The following OTUD7A variants were observed in gnomAD, a reference collection of about 807,000 sequenced individuals.
OTUD7A encodes OTU deubiquitinase 7A, also known as OTU domain-containing protein 7A.
A neutral mutation model predicts 65.7 loss-of-function variants in OTUD7A; 12 were observed. The ratio of observed to expected loss-of-function variants is 0.18; its 90% CI spans 0.12 to 0.30. The LOEUF (loss-of-function observed/expected upper bound fraction) is 0.30. Ranked by LOEUF, OTUD7A falls within the 10% of genes least tolerant of loss-of-function variation. OTUD7A has a pLI of 1.00. For missense variants in OTUD7A, 1,148 were observed against 1,304.8 expected (o/e 0.88, Z 1.85); for synonymous variants, 641 against 586.3 (o/e 1.09, Z -1.35).
intron 1 of OTUD7A, among the ~76,000 whole-genome samples, chr15:31,684,954 C>A (rs1369705672): frequency 6.7e-6 from 1 of 149,528 alleles, no homozygotes; most frequent in Non-Finnish European, 1.5e-5. Flanking sequence ...TTGTGCAGGC[C>A]AAAAAGCAGC....
At chr15:31,668,981 T>C (rs1338499822) in intron 1 of OTUD7A, among the ~76,000 whole-genome samples, 1 of 152,264 alleles carries the variant, frequency 6.6e-6, no homozygotes, top group African/African-American at 2.4e-5. Flanking sequence ...GTATTGTCTG[T>C]ACAGAGCCCT....
intron 3 of OTUD7A, among the ~76,000 whole-genome samples, chr15:31,623,892 C>T (rs577493179): frequency 9.2e-5 from 14 of 152,316 alleles, no homozygotes; most frequent in Non-Finnish European, 1.8e-4. Flanking sequence ...TGTTCCTATT[C>T]GGCCAACTTG....
At chr15:31,778,216 CAAGGCTGTT>C (rs1895439786) in intron 1 of OTUD7A, among the ~76,000 whole-genome samples, 1 of 152,188 alleles carries the variant, frequency 6.6e-6, no homozygotes, top group Admixed American at 6.5e-5. Flanking sequence ...ACCTTGTCTA[CAAGGCTGTT>C]CTGCAGGAAT....
At chr15:31,698,149 T>C (rs1224319385) in intron 1 of OTUD7A, among the ~76,000 whole-genome samples, 5 of 152,130 alleles carry the variant, frequency 3.3e-5, no homozygotes, top group Admixed American at 6.5e-5. Context: ...TTTTATTAAA[T>C]ATAATTTTTT....
At chr15:31,626,136 T>A (rs11852462) in intron 3 of OTUD7A, among the ~76,000 whole-genome samples, 50,604 of 152,038 alleles carry the variant, frequency 0.33, 11,186 homozygotes, top group African/African-American at 0.63. Flanking sequence ...TATTCGTCAA[T>A]ACCTATTAAT....
At chr15:31,703,021 T>C (rs1208653841) in intron 1 of OTUD7A, among the ~76,000 whole-genome samples, 2 of 151,696 alleles carry the variant, frequency 1.3e-5, no homozygotes, top group Admixed American at 6.6e-5. Context: ...GGGACAGGCA[T>C]AGGCACAAAA....
chr15:31,602,654 A>C, intron 3 of OTUD7A, among the ~76,000 whole-genome samples: 1 of 152,230 alleles, frequency 6.6e-6, no homozygotes, highest in East Asian at 1.9e-4. Context: ...GGAAAAGAGG[A>C]AGTCAAATTG....
chr15:31,698,861 G>T (rs948402939), intron 1 of OTUD7A, among the ~76,000 whole-genome samples: 1 of 149,382 alleles, frequency 6.7e-6, no homozygotes, highest in Non-Finnish European at 1.5e-5. Context: ...CTGGTGTGTT[G>T]CTTTGGCAGT....
At chr15:31,659,754 G>A (rs1019704096) in intron 1 of OTUD7A, among the ~76,000 whole-genome samples, 11 of 152,214 alleles carry the variant, frequency 7.2e-5, no homozygotes, top group Non-Finnish European at 1.3e-4. Context: ...CGAGGGCCAC[G>A]GGAAGGGGCA....
chr15:31,832,820 T>C (rs1425353060), intron 1 of OTUD7A, among the ~76,000 whole-genome samples: 1 of 152,248 alleles, frequency 6.6e-6, no homozygotes, highest in Non-Finnish European at 1.5e-5. Context: ...TGTATGAATA[T>C]GCCAGATTTT....
chr15:31,670,213 T>C (rs1411013053), intron 1 of OTUD7A, among the ~76,000 whole-genome samples: 2 of 151,698 alleles, frequency 1.3e-5, no homozygotes, highest in Admixed American at 6.6e-5. Context: ...TCCATGTCTT[T>C]GCTATTGTGA....
intron 8 of OTUD7A, among the ~76,000 whole-genome samples, chr15:31,509,660 T>C (rs1343968488): frequency 2.0e-5 from 3 of 152,138 alleles, no homozygotes; most frequent in Non-Finnish European, 4.4e-5. Flanking sequence ...TGTAATTTTA[T>C]TAAAAGTATA....
At chr15:31,495,272 G>T (rs1306021909) in intron 10 of OTUD7A, among the ~76,000 whole-genome samples, 2 of 152,214 alleles carry the variant, frequency 1.3e-5, no homozygotes, top group Admixed American at 1.3e-4. Flanking sequence ...GGTAGGGCAT[G>T]AACCAATCAG....
At chr15:31,489,650 G>C (rs1302746612) in intron 10 of OTUD7A, among the ~76,000 whole-genome samples, 1 of 152,238 alleles carries the variant, frequency 6.6e-6, no homozygotes, top group Non-Finnish European at 1.5e-5. Context: ...GATCTCCACT[G>C]AAGAGCTGCC....
At chr15:31,796,107 G>A (rs1895945912) in intron 1 of OTUD7A, among the ~76,000 whole-genome samples, 1 of 150,956 alleles carries the variant, frequency 6.6e-6, no homozygotes, top group Non-Finnish European at 1.5e-5. Context: ...TGTAACATTA[G>A]GGGTTCTCCA....
intron 1 of OTUD7A, among the ~76,000 whole-genome samples, chr15:31,726,866 C>T (rs1013187251): frequency 2.0e-5 from 3 of 152,228 alleles, no homozygotes; most frequent in African/African-American, 7.2e-5. Flanking sequence ...GGAAAATCCA[C>T]TTGAATTAGC....
intron 1 of OTUD7A, among the ~76,000 whole-genome samples, chr15:31,672,319 A>G (rs1892502693): frequency 6.6e-6 from 1 of 152,038 alleles, no homozygotes; most frequent in Admixed American, 6.5e-5. Context: ...CAGTCTTTCT[A>G]TCTCTATATG....
intron 1 of OTUD7A, among the ~76,000 whole-genome samples, chr15:31,810,624 A>T (rs1896392910): frequency 6.6e-6 from 1 of 152,174 alleles, no homozygotes; most frequent in Non-Finnish European, 1.5e-5. Context: ...ATTGTGAGGA[A>T]ATCAATGACT....
At chr15:31,617,589 G>T (rs1890631525) in intron 3 of OTUD7A, among the ~76,000 whole-genome samples, 1 of 152,110 alleles carries the variant, frequency 6.6e-6, no homozygotes, top group Non-Finnish European at 1.5e-5. Context: ...AATATATACT[G>T]CATGATTCCA....
Sources: allele counts gnomAD v4.1 joint callset (sites outside exome capture counted in the v4.1 genomes callset), GRCh38; gene constraint gnomAD v4.1.1; transcripts MANE v1.5; gene names NCBI Gene and HGNC (gene_info 2026-07-23, HGNC 2026-07-21).